XYLB: variants seen among roughly 807,000 people sequenced by gnomAD.
XYLB encodes xylulokinase.
A neutral mutation model predicts 78.7 loss-of-function variants in XYLB; 62 were observed. The ratio of observed to expected loss-of-function variants is 0.79; its 90% CI spans 0.64 to 0.97. The LOEUF is 0.97. XYLB is among the 50% of genes least tolerant of loss of function. The pLI is 0.00. For missense variants in XYLB, 687 were observed against 676.8 expected (o/e 1.02, Z -0.17); for synonymous variants, 245 against 247.4 (o/e 0.99, Z 0.09).
intron 15 of XYLB, among the ~76,000 whole-genome samples, chr3:38,384,272 G>A (rs950299476): frequency 6.6e-6 from 1 of 152,102 alleles, no homozygotes; most frequent in Non-Finnish European, 1.5e-5. Context: ...CACCGTGTTG[G>A]CCAAGCTGGT....
intron 18 of XYLB, among the ~76,000 whole-genome samples, chr3:38,406,618 G>C (rs2125668525): frequency 6.6e-6 from 1 of 152,294 alleles, no homozygotes; most frequent in Middle Eastern, 3.4e-3. Context: ...CAAAGGCAAA[G>C]AAGTTAAAAA....
the XYLB span, among the ~76,000 whole-genome samples, chr3:38,447,680 CA>C: frequency 6.6e-6 from 1 of 152,066 alleles, no homozygotes; most frequent in Non-Finnish European, 1.5e-5. Flanking sequence ...TTATGGAAAA[CA>C]ACCGTATAGA....
At chr3:38,408,348 C>T (rs1396911957) in intron 18 of XYLB, among the ~76,000 whole-genome samples, 1 of 151,674 alleles carries the variant, frequency 6.6e-6, no homozygotes, top group African/African-American at 2.4e-5. Flanking sequence ...AGAACAAAGA[C>T]ACAACATACC....
intron 17 of XYLB, among the ~76,000 whole-genome samples, chr3:38,398,102 G>A (rs896920732): frequency 1.3e-5 from 2 of 151,776 alleles, no homozygotes; most frequent in Non-Finnish European, 2.9e-5. Flanking sequence ...ACAGGCGTGA[G>A]CCACCGCACC....
intron 18 of XYLB, among the ~76,000 whole-genome samples, chr3:38,412,524 G>T (rs571242754): frequency 5.0e-4 from 76 of 152,258 alleles, no homozygotes; most frequent in African/African-American, 1.8e-3. Context: ...CTACATTTAG[G>T]ATTATTTCCT....
intron 2 of XYLB, among the ~76,000 whole-genome samples, chr3:38,357,637 C>T (rs987788686): frequency 3.9e-5 from 6 of 152,298 alleles, no homozygotes; most frequent in South Asian, 2.1e-4. Flanking sequence ...CCGCCCGCCT[C>T]GGCCTCCCAA....
At chr3:38,384,159 C>T (rs961261795) in intron 15 of XYLB, among the ~76,000 whole-genome samples, 18 of 152,186 alleles carry the variant, frequency 1.2e-4, no homozygotes, top group African/African-American at 3.1e-4. Flanking sequence ...CTCCGCCTCC[C>T]GGGTTCAAGT....
the XYLB span, among the ~76,000 whole-genome samples, chr3:38,438,318 C>G: frequency 6.6e-6 from 1 of 151,962 alleles, no homozygotes; most frequent in Admixed American, 6.6e-5. Context: ...AGTGAAAGAC[C>G]TGTACATGGA....
the XYLB span, among the ~76,000 whole-genome samples, chr3:38,429,385 C>G: frequency 6.6e-6 from 1 of 152,128 alleles, no homozygotes; most frequent in Non-Finnish European, 1.5e-5. Context: ...TAGGCATTGC[C>G]AATATGCATA....
chr3:38,351,297 T>G (rs568057097), intron 2 of XYLB, among the ~76,000 whole-genome samples: 1 of 152,024 alleles, frequency 6.6e-6, no homozygotes, highest in South Asian at 2.1e-4. Context: ...ATACCCTATA[T>G]GACTTCTAGT....
At chr3:38,372,392 TA>T in intron 9 of XYLB, 1 of 985,354 alleles carries the variant, frequency 1.0e-6, no homozygotes, top group Non-Finnish European at 1.2e-6. Context: ...CTCTCTATCT[TA>T]AATCTCAAGA....
chr3:38,384,205 T>A (rs1182192407), intron 15 of XYLB, among the ~76,000 whole-genome samples: 1 of 152,142 alleles, frequency 6.6e-6, no homozygotes, highest in East Asian at 1.9e-4. Context: ...TAACTGGGAC[T>A]ACAGGTGCAC....
intron 14 of XYLB, among the ~76,000 whole-genome samples, chr3:38,378,441 G>A (rs907134241): frequency 5.9e-5 from 9 of 152,222 alleles, no homozygotes; most frequent in African/African-American, 2.2e-4. Context: ...GAATGCAGCA[G>A]GTGCTAAGGC....
At chr3:38,444,224 T>A in the XYLB span, among the ~76,000 whole-genome samples, 6 of 152,266 alleles carry the variant, frequency 3.9e-5, no homozygotes, top group South Asian at 1.0e-3. Context: ...TTAATCTGCT[T>A]TAAATCAGAG....
intron 15 of XYLB, among the ~76,000 whole-genome samples, chr3:38,393,823 T>TA: frequency 1.3e-5 from 2 of 152,306 alleles, no homozygotes; most frequent in East Asian, 3.9e-4. Context: ...CTTAATTACC[T>TA]CTTTAAAGAG....
the XYLB span, chr3:38,451,334 T>A: frequency 6.6e-6 from 1 of 152,160 alleles, no homozygotes; most frequent in Non-Finnish European, 1.5e-5. Context: ...CAAGTAAGTT[T>A]CCAGCTTTAA....
At chr3:38,371,495 C>T (rs1048485806) in intron 9 of XYLB, among the ~76,000 whole-genome samples, 1 of 152,100 alleles carries the variant, frequency 6.6e-6, no homozygotes, top group African/African-American at 2.4e-5. Flanking sequence ...AGGATGGTCT[C>T]GATCTCCTGA....
chr3:38,419,068 C>A (rs1406638035), downstream of XYLB, among the ~76,000 whole-genome samples: 2 of 152,126 alleles, frequency 1.3e-5, no homozygotes, highest in Admixed American at 6.6e-5. Context: ...CTCCCCAGCC[C>A]TTGATAACCG....
intron 2 of XYLB, among the ~76,000 whole-genome samples, chr3:38,355,273 A>G (rs562710890): frequency 6.6e-6 from 1 of 152,202 alleles, no homozygotes; most frequent in Non-Finnish European, 1.5e-5. Flanking sequence ...TTCTTCCCCT[A>G]AGAGCCAGCC....
Sources: gnomAD v4.1 joint callset for allele counts (sites outside exome capture counted in the v4.1 genomes callset) on GRCh38, gnomAD v4.1.1 for gene constraint, MANE v1.5 for transcripts, NCBI Gene and HGNC (gene_info 2026-07-23, HGNC 2026-07-21) for gene names.